Variants in IFITM10 observed in about 807,000 individuals in gnomAD.
IFITM10 encodes the protein interferon-induced transmembrane protein 10.
Under a neutral mutation model 19.0 loss-of-function variants are expected in IFITM10, and 17 were observed. The observed-to-expected ratio is 0.90, with a 90% CI of 0.61 to 1.34. IFITM10 has a LOEUF of 1.34. IFITM10 is among the 40% of genes most tolerant of loss of function. The pLI is 0.00. For missense variants in IFITM10, 306 were observed against 319.8 expected (o/e 0.96, Z 0.33); for synonymous variants, 148 against 147.2 (o/e 1.01, Z -0.04).
Position 1,747,856 on chromosome 11 carries a change from C to G in IFITM10, c.348G>C (p.Val116=). The G allele has an allele frequency of 6.5e-7, 1 of 1,540,748 alleles. No individual in the cohort carries two copies. ...MESKSSKTDS[V]RAAGAPPACK... Reference sequence around the variant, plus strand: ...AGGCAGGGGGCGCGCCGGCAGCCCGCACGCTGTCGGTCTTGCTGCTCTTGG... The same window carrying G: ...AGGCAGGGGGCGCGCCGGCAGCCCGGACGCTGTCGGTCTTGCTGCTCTTGG... Residue 116 remains valine (V), a synonymous_variant, in exon 2 of 3, where the codon GTG becomes GTC. Coordinates refer to ENST00000340134, the MANE Select transcript of IFITM10 (RefSeq NM_001170820.4).
At chr11:1,738,501 T>C (rs1358696263) in intron 2 of IFITM10, among the ~76,000 whole-genome samples, 1 of 152,102 alleles carries the variant, frequency 6.6e-6, no homozygotes, top group East Asian at 1.9e-4. Context: ...GACAGATGGA[T>C]ATGCAAGTGT....
rs1437563712 is a variant in IFITM10, at chr11:1,735,327, T to C, written c.640A>G (p.Ile214Val). 6.4e-7 allele frequency: 1 copy of C among 1,551,670 alleles called. No individual in the cohort carries two copies. Among genetic ancestry groups the C allele is most frequent in the Non-Finnish European group, 8.7e-7 (1 of 1,146,954 alleles). Residue 214 changes from isoleucine (I) to valine (V), a missense_variant, in exon 3 of 3, where the codon ATC becomes GTC. Ile to Val is a conservative substitution (Grantham distance 29). Coordinates refer to ENST00000340134, the MANE Select transcript of IFITM10 (RefSeq NM_001170820.4). ...ITSSALAASC[I>V]ILVFIFLRYP... is the part of the protein sequence containing the mutation. ...CGCAGGAAGATGAAGACGAGGATGA[T>C]GCAGGAGGCTGCCAGGGCAGAACTG...
rs1565010338 is a variant in IFITM10, at chr11:1,735,382, A to C, written c.585T>G (p.Asp195Glu). Residue 195 changes from aspartate (D) to glutamate (E), a missense_variant, in exon 3 of 3, where the codon GAT becomes GAG. Transcript: ENST00000340134. ...TGTTGAACAGCCGGGCCGTCTTTGC[A>C]TCCTCCACGGCTCCATTCAGGTCAT... is the stretch of plus-strand genomic sequence containing the variant. ...LLNDLNGAVE[D>E]AKTARLFNIT... is the part of the protein sequence containing the mutation. 1 of 1,551,608 alleles carries C rather than the reference A, an allele frequency of 6.4e-7. No homozygotes were observed. Among genetic ancestry groups the C allele is most frequent in the Non-Finnish European group, 8.7e-7 (1 of 1,146,998 alleles).
intron 2 of IFITM10, chr11:1,745,950 T>A: frequency 6.7e-6 from 1 of 149,622 alleles, no homozygotes. Context: ...CACACACATT[T>A]ATACGTGCCA....
intron 1 of IFITM10, 56 bp downstream of exon 1, chr11:1,750,303 C>T: frequency 6.4e-7 from 1 of 1,550,464 alleles, no homozygotes; most frequent in Non-Finnish European, 8.7e-7. Context: ...CCCTCCCTCC[C>T]TCCAAGTCCC....
intron 2 of IFITM10, among the ~76,000 whole-genome samples, 156 bp downstream of exon 2, chr11:1,747,511 C>T (rs998709742): frequency 6.6e-6 from 1 of 152,334 alleles, no homozygotes; most frequent in Middle Eastern, 3.4e-3. Context: ...CATCAGGACC[C>T]CTCACTGTCC....
intron 2 of IFITM10, among the ~76,000 whole-genome samples, chr11:1,743,195 G>A (rs1250585707): frequency 6.6e-6 from 1 of 150,598 alleles, no homozygotes; most frequent in Non-Finnish European, 1.5e-5. Context: ...TGGACAAATG[G>A]AAGATGGATG....
intron 2 of IFITM10, chr11:1,746,625 G>C: frequency 7.5e-6 from 3 of 398,662 alleles, no homozygotes. Context: ...TTGCGATGCC[G>C]GGCGGGGTGG....
intron 2 of IFITM10, chr11:1,744,502 CAG>C (rs1845614069): frequency 6.5e-6 from 1 of 152,984 alleles, no homozygotes; most frequent in South Asian, 2.1e-4. Flanking sequence ...CATCAGGAGA[CAG>C]TGTGTGGAGG....
At position 1,733,318 on chromosome 11, in the gene IFITM10, G is replaced by C. The variant is rs897620091; in HGVS notation, c.*1962C>G. ...CCTGGGTTCAAGGGTCAGTGCTCAA[G>C]AGTCCCACATGGTCCCCACCCTGTC... On this transcript the variant is annotated 3_prime_UTR_variant, in exon 3 of 3. Transcript: ENST00000340134. The surrounding 1 kb of genome is among the most constrained non-coding windows in gnomAD (Gnocchi z 6.3). 2 of 152,690 alleles carry C rather than the reference G, an allele frequency of 1.3e-5. No individual in the cohort carries two copies. Among genetic ancestry groups the C allele is most frequent in the African/African-American group, 4.8e-5 (2 of 41,364 alleles). 9.5% of individuals were successfully genotyped at this position (152,690 alleles called of 1,614,324 possible).
intron 1 of IFITM10, chr11:1,748,463 A>C: frequency 5.5e-5 from 14 of 252,544 alleles, no homozygotes; most frequent in South Asian, 1.7e-4. Context: ...AGCACCCCAA[A>C]CAACCCCGCA....
Position 1,735,299 on chromosome 11 carries a change from T to C in IFITM10, c.668A>G (p.Tyr223Cys). Reference sequence around the variant, plus strand: ...CGGGCCTTAGTAGTCGGTGAGGGGGTACCGCAGGAAGATGAAGACGAGGAT... The same window carrying C: ...CGGGCCTTAGTAGTCGGTGAGGGGGCACCGCAGGAAGATGAAGACGAGGAT... ...CIILVFIFLRYPLTDY is the reference protein window; with the variant it reads ...CIILVFIFLRCPLTDY The change falls in exon 3 of 3, where the codon TAC becomes TGC. Residue 223 changes from tyrosine (Y) to cysteine (C), a missense_variant. Coordinates refer to ENST00000340134, the MANE Select transcript of IFITM10 (RefSeq NM_001170820.4). 6.4e-7 allele frequency: 1 copy of C among 1,551,402 alleles called. No homozygotes were observed. The highest frequency in any genetic ancestry group is 8.7e-7 in the Non-Finnish European group (1 of 1,146,888).
intron 2 of IFITM10, among the ~76,000 whole-genome samples, chr11:1,747,248 T>C (rs1047167665): frequency 6.6e-6 from 1 of 151,720 alleles, no homozygotes; most frequent in Non-Finnish European, 1.5e-5. Context: ...TCCATAGGGG[T>C]AGGATTCCAA....
chr11:1,745,888 C>T (rs1845637635), intron 2 of IFITM10: 1 of 150,928 alleles, frequency 6.6e-6, no homozygotes, highest in Admixed American at 6.6e-5. Flanking sequence ...CACACACGTG[C>T]ACACTCAGGT....
chr11:1,749,059 G>C, intron 1 of IFITM10: 1 of 1,140,986 alleles, frequency 8.8e-7, no homozygotes, highest in Non-Finnish European at 1.1e-6. Context: ...CTGAGCCTCG[G>C]TGCGCGCGTC....
rs945190262 is a variant in IFITM10, at chr11:1,750,419, C to T, written c.24G>A (p.Pro8=). ...TCCCCCGGAAGCTGAGGATGCATGGCGGCCCCCGTTTTCCCTCCCTCATCT... is the reference window on the plus strand; with the variant it reads ...TCCCCCGGAAGCTGAGGATGCATGGTGGCCCCCGTTTTCCCTCCCTCATCT... MREGKRG[P]PCILSFRGTL... The change falls in exon 1 of 3, where the codon CCG becomes CCA. Residue 8 remains proline (P), a synonymous_variant. Transcript: ENST00000340134. 5.8e-6 allele frequency: 9 copies of T among 1,550,424 alleles called. No individual in the cohort carries two copies. The South Asian group carries it at 5.9e-5, about 10-fold the overall frequency.
At chr11:1,735,841 T>TG (rs1448437416) in intron 2 of IFITM10, among the ~76,000 whole-genome samples, 3 of 152,178 alleles carry the variant, frequency 2.0e-5, no homozygotes, top group African/African-American at 7.2e-5. Context: ...AATTGGAGGA[T>TG]GGGGCGACAC....
chr11:1,748,575 TACCGCCACGGGC>T (rs534577712), intron 1 of IFITM10: 1,933 of 154,784 alleles, frequency 0.012, 43 homozygotes, highest in African/African-American at 0.043. Flanking sequence ...GGACACCCGA[TACCGCCACGGGC>T]ACCGCCACGG....
Position 1,732,835 on chromosome 11 carries a change from T to C in IFITM10, c.*2445A>G, listed in dbSNP as rs901975708. On this transcript the variant is annotated 3_prime_UTR_variant, in exon 3 of 3. Coordinates refer to ENST00000340134, the MANE Select transcript of IFITM10 (RefSeq NM_001170820.4). The stretch of plus-strand genomic sequence containing the variant: ...AAAGCTTCAGCCAGGCGCAGGAACA[T>C]CCCAGGGAAAAGCTGGCTGAGGGCT... The C allele has an allele frequency of 6.6e-6, 1 of 152,156 alleles. No individual in the cohort carries two copies. Among genetic ancestry groups the C allele is most frequent in the Middle Eastern group, 3.2e-3 (1 of 316 alleles). 9.4% of individuals were successfully genotyped at this position (152,156 alleles called of 1,614,324 possible). A position where few individuals can be genotyped will look rare whatever the true frequency, so the allele number is the denominator to read the frequency against.
Sources: allele counts gnomAD v4.1 joint callset (sites outside exome capture counted in the v4.1 genomes callset), GRCh38; gene constraint gnomAD v4.1.1; non-coding constraint Gnocchi (gnomAD v3.1); transcripts MANE v1.5; gene names NCBI Gene and HGNC (gene_info 2026-07-23, HGNC 2026-07-21).